Variants in STK39 observed in about 807,000 individuals in gnomAD.
STK39 encodes STE20/SPS1-related proline-alanine-rich protein kinase.
A neutral mutation model predicts 77.8 loss-of-function variants in STK39; 20 were observed. The ratio of observed to expected loss-of-function variants is 0.26; its 90% CI spans 0.18 to 0.37. STK39 has a LOEUF of 0.37. Among genes scored for constraint, STK39 ranks in the 10% least tolerant of loss-of-function variants. The pLI is 1.00. For synonymous variants in STK39, 246 were observed against 234.1 expected, an observed-to-expected ratio of 1.05 and a Z score of -0.47; for missense variants, 479 against 656.5, an observed-to-expected ratio of 0.73 and a Z score of 2.95.
chr2:168,210,469 C>T (rs1022874160), intron 1 of STK39, among the ~76,000 whole-genome samples: 1 of 152,154 alleles, frequency 6.6e-6, no homozygotes, highest in East Asian at 1.9e-4. Context: ...ATACAAGCTG[C>T]ACACACATCA....
intron 16 of STK39, among the ~76,000 whole-genome samples, chr2:167,974,462 G>A (rs1366234093): frequency 6.6e-6 from 1 of 152,090 alleles, no homozygotes. Flanking sequence ...AGTTACATAG[G>A]AAGCATTGTC....
intron 1 of STK39, among the ~76,000 whole-genome samples, chr2:168,188,977 G>A (rs973354357): frequency 1.3e-5 from 2 of 152,168 alleles, no homozygotes; most frequent in Non-Finnish European, 2.9e-5. Flanking sequence ...CCTCCTAAGT[G>A]ACCTGGCTTG....
chr2:168,097,982 A>C (rs1686716277), intron 10 of STK39, among the ~76,000 whole-genome samples: 1 of 152,258 alleles, frequency 6.6e-6, no homozygotes, highest in South Asian at 2.1e-4. Flanking sequence ...GTCTAATAGA[A>C]GCTAAATGAT....
At chr2:168,236,303 T>C (rs201323070) in intron 1 of STK39, among the ~76,000 whole-genome samples, 1 of 151,742 alleles carries the variant, frequency 6.6e-6, no homozygotes. Flanking sequence ...GATGGGGTTG[T>C]TTTTTTCTTG....
rs185679966 is a variant in STK39, at chr2:168,097,954, T to C, written c.1090-22723A>G. 7.9e-5 allele frequency among the ~76,000 whole-genome samples: 12 copies of C among 152,340 alleles called. No individual in the cohort carries two copies. The East Asian group carries it at 2.3e-3, about 29-fold the overall frequency. ...GAGCCACACAAATTGGTATTACAGA[T>C]AGAGTCTGTAAAACAGAGTCTAATA... On this transcript the variant is annotated intron_variant, in intron 10 of 17. Transcript: ENST00000355999.
At chr2:167,958,290 T>A (rs1691841712) in intron 17 of STK39, among the ~76,000 whole-genome samples, 2 of 152,176 alleles carry the variant, frequency 1.3e-5, no homozygotes. Flanking sequence ...TGAAATTATG[T>A]CAAGATATTG....
chr2:168,212,269 C>T (rs550858639), intron 1 of STK39, among the ~76,000 whole-genome samples: 8 of 152,162 alleles, frequency 5.3e-5, no homozygotes, highest in Non-Finnish European at 7.4e-5. Context: ...GGAGTGTTTG[C>T]GTAAGGAAGC....
At chr2:167,995,485 T>C (rs1244383661) in intron 16 of STK39, among the ~76,000 whole-genome samples, 1 of 152,144 alleles carries the variant, frequency 6.6e-6, no homozygotes, top group Non-Finnish European at 1.5e-5. Flanking sequence ...AAAATTCCAA[T>C]ACAGTATTTT....
chr2:168,247,554 C>CCGCCGT lies in STK39; in HGVS notation c.-120_-119insACGGCG. 1 of 733,396 alleles carries CCGCCGT rather than the reference C, an allele frequency of 1.4e-6. No homozygotes were observed. The highest frequency in any genetic ancestry group is 1.8e-6 in the Non-Finnish European group (1 of 570,498). The allele number at this position is 733,396 out of a possible 1,614,324, so 45.4% of individuals were successfully genotyped here. A position where few individuals can be genotyped will look rare whatever the true frequency, so the allele number is the denominator to read the frequency against. On this transcript the variant is annotated 5_prime_UTR_variant, in exon 1 of 18. Coordinates refer to ENST00000355999, the MANE Select transcript of STK39 (RefSeq NM_013233.3). ...CGCACGCCCTCCCCGCCCGCCGCCG[C>CCGCCGT]CGCCGCCGTCCCCGCCGAAGCCAGC...
rs186155207 is a variant in STK39 at position 168,225,612 on chromosome 2, G to T, written c.208+21616C>A. The stretch of plus-strand genomic sequence containing the variant: ...TTACAATCCATAAGGGAAAAGGGAG[G>T]TTCTTCCTAGGGAAGAAAGTTATTT... On this transcript the variant is annotated intron_variant, in intron 1 of 17. Coordinates refer to ENST00000355999, the MANE Select transcript of STK39 (RefSeq NM_013233.3). Among the ~76,000 whole-genome samples, 4 of 152,296 alleles carry T rather than the reference G, an allele frequency of 2.6e-5. No individual in the cohort carries two copies. In the East Asian group the frequency reaches 7.7e-4, roughly 29 times the overall value.
At chr2:168,225,700 G>A (rs899407342) in intron 1 of STK39, among the ~76,000 whole-genome samples, 1 of 152,188 alleles carries the variant, frequency 6.6e-6, no homozygotes, top group African/African-American at 2.4e-5. Flanking sequence ...AACAAAGAAA[G>A]TACATTAGAT....
chr2:168,160,289 A>G lies in STK39; in HGVS notation c.628+1498T>C, dbSNP rs112435771. On this transcript the variant is annotated intron_variant, in intron 5 of 17. Transcript: ENST00000355999. ...TTCCTTATCATCTTAGAGCAAGATTAATGGCAAGTTAGCTTCCAAATTCCA... is the reference window on the plus strand; with the variant it reads ...TTCCTTATCATCTTAGAGCAAGATTGATGGCAAGTTAGCTTCCAAATTCCA... 6.6e-5 allele frequency among the ~76,000 whole-genome samples: 10 copies of G among 152,356 alleles called. 2 individuals are homozygous for G. Among genetic ancestry groups the G allele is most frequent in the African/African-American group, 2.4e-4 (10 of 41,586 alleles).
chr2:168,007,569 C>T (rs1335647545), intron 16 of STK39, among the ~76,000 whole-genome samples: 4 of 152,000 alleles, frequency 2.6e-5, no homozygotes, highest in South Asian at 4.2e-4. Context: ...GGTAGAATAA[C>T]AAAATAAGAA....
chr2:168,136,164 C>T (rs765455769), intron 8 of STK39, among the ~76,000 whole-genome samples: 3 of 151,536 alleles, frequency 2.0e-5, no homozygotes, highest in Non-Finnish European at 2.9e-5. Flanking sequence ...GTCAGGAGAT[C>T]GAGATCATCT....
At chr2:168,029,609 A>G (rs1366635796) in intron 14 of STK39, among the ~76,000 whole-genome samples, 1 of 152,172 alleles carries the variant, frequency 6.6e-6, no homozygotes, top group African/African-American at 2.4e-5. Flanking sequence ...AGGGAGCTCA[A>G]AGAACCTGGA....
intron 17 of STK39, among the ~76,000 whole-genome samples, chr2:167,957,863 C>T (rs773918951): frequency 5.9e-5 from 9 of 152,216 alleles, no homozygotes; most frequent in Non-Finnish European, 8.8e-5. Flanking sequence ...CCAGTGGTTA[C>T]GGTGAGAACA....
intron 1 of STK39, among the ~76,000 whole-genome samples, chr2:168,198,602 C>T (rs1269554911): frequency 1.3e-5 from 2 of 152,180 alleles, no homozygotes; most frequent in African/African-American, 4.8e-5. Flanking sequence ...ACTAGAATGA[C>T]TCACAAAGCA....
chr2:168,127,483 A>T lies in STK39; in HGVS notation c.1089+2058T>A, dbSNP rs181261578. Among the ~76,000 whole-genome samples, 10 of 152,308 alleles carry T rather than the reference A, an allele frequency of 6.6e-5. No individual in the cohort carries two copies. In the East Asian group the frequency reaches 1.9e-3, roughly 29 times the overall value. Reference sequence around the variant, plus strand: ...TTTTCTTCAAAGAAATGAAGGTTACAGCCTGAACAGATTCTTCATTTTTTC... The same window carrying T: ...TTTTCTTCAAAGAAATGAAGGTTACTGCCTGAACAGATTCTTCATTTTTTC... On this transcript the variant is annotated intron_variant, in intron 10 of 17. Transcript: ENST00000355999.
chr2:168,185,461 G>A lies in STK39; in HGVS notation c.209-3371C>T, dbSNP rs538315671. ...CAATCAGAGGTAAGAGATTGCTCACGTTCATTACCATGATGCAGATTTTTC... is the reference window on the plus strand; with the variant it reads ...CAATCAGAGGTAAGAGATTGCTCACATTCATTACCATGATGCAGATTTTTC... On this transcript the variant is annotated intron_variant, in intron 1 of 17. Coordinates refer to ENST00000355999, the MANE Select transcript of STK39 (RefSeq NM_013233.3). Among the ~76,000 whole-genome samples the A allele has an allele frequency of 1.1e-4, 17 of 152,248 alleles. No homozygotes were observed. In the South Asian group the frequency reaches 2.7e-3, roughly 24 times the overall value.
Sources: gnomAD v4.1 joint callset for allele counts (sites outside exome capture counted in the v4.1 genomes callset) on GRCh38, gnomAD v4.1.1 for gene constraint, MANE v1.5 for transcripts, NCBI Gene and HGNC (gene_info 2026-07-23, HGNC 2026-07-21) for gene names.